Variants in CARD19 observed in about 807,000 individuals in gnomAD.
CARD19 encodes the protein caspase recruitment domain family member 19.
CARD19 carries 25 observed loss-of-function variants against 24.1 expected under a neutral mutation model. That is an observed-to-expected ratio of 1.04 (90% CI 0.76 to 1.45). The LOEUF is 1.45. CARD19 is among the 40% of genes most tolerant of loss of function. The probability of loss-of-function intolerance (pLI) is 0.00; values close to 1 mark genes in which losing one functional copy is unlikely to be tolerated. For synonymous variants in CARD19, 103 were observed against 104.9 expected (o/e 0.98, Z 0.11); for missense variants, 241 against 247.4 (o/e 0.97, Z 0.17).
At position 93,098,758 on chromosome 9, in the gene CARD19, C is replaced by T. The variant is rs1826973135; in HGVS notation, c.7+2406C>T. 2.0e-5 allele frequency among the ~76,000 whole-genome samples: 3 copies of T among 152,224 alleles called. No individual in the cohort carries two copies. In the South Asian group the frequency reaches 6.2e-4, roughly 31 times the overall value. ...GCGGCCTGTGCCAGCTGACTCACGG[C>T]TCATGGTGACTCATGGCTCTGCAGC... On this transcript the variant is annotated intron_variant, in intron 1 of 5. Transcript: ENST00000375464.
rs201928837 is a variant in CARD19, at chr9:93,111,936, G to A, written c.362G>A (p.Arg121Lys). 56 of 1,610,922 alleles carry A rather than the reference G, an allele frequency of 3.5e-5. No homozygotes were observed. The African/African-American group carries it at 6.4e-4, about 18-fold the overall frequency. Reference sequence around the variant, plus strand: ...AGCCAGAGCGGCGAGCTGAGTAACAGGGGTAACACCTCCCTGCTGCCCCTC... The same window carrying A: ...AGCCAGAGCGGCGAGCTGAGTAACAAGGGTAACACCTCCCTGCTGCCCCTC... ...SGSQSGELSN[R>K]GPMSFLAGLG... Residue 121 changes from arginine (R) to lysine (K), a missense_variant and splice_region_variant, in exon 4 of 6, where the codon AGG becomes AAG. Coordinates refer to ENST00000375464, the MANE Select transcript of CARD19 (RefSeq NM_032310.5).
intron 1 of CARD19, among the ~76,000 whole-genome samples, chr9:93,101,223 G>A (rs1352316580): frequency 2.0e-5 from 3 of 151,808 alleles, no homozygotes; most frequent in East Asian, 1.9e-4. Context: ...CACTACAGGC[G>A]AGTGCCACCA....
intron 1 of CARD19, among the ~76,000 whole-genome samples, chr9:93,099,216 G>A (rs1057331089): frequency 3.3e-5 from 5 of 152,150 alleles, no homozygotes; most frequent in Non-Finnish European, 7.3e-5. Flanking sequence ...GAGCCACCGC[G>A]TCCGGCCTGC....
At chr9:93,107,930 G>T in intron 2 of CARD19, 114 bp downstream of exon 2, 9 of 1,355,028 alleles carry the variant, frequency 6.6e-6, no homozygotes, top group Admixed American at 2.0e-5. Flanking sequence ...GACACACTAG[G>T]TATGTCAGGA....
chr9:93,102,652 GT>G (rs71364357), intron 1 of CARD19, among the ~76,000 whole-genome samples: 99,406 of 143,264 alleles, frequency 0.69, 34,493 homozygotes, highest in East Asian at 0.88. Context: ...CCCTGTTGTT[GT>G]TTTTTTTTTT....
Position 93,101,227 on chromosome 9 carries a change from G to GC in CARD19, c.7+4877dup, listed in dbSNP as rs1485299255. On this transcript the variant is annotated intron_variant, in intron 1 of 5. Coordinates refer to ENST00000375464, the MANE Select transcript of CARD19 (RefSeq NM_032310.5). ...TGAGTAGCTGGCACTACAGGCGAGTGCCACCACGCCTGGCTAGCTTTTTGT... is the reference window on the plus strand; with the variant it reads ...TGAGTAGCTGGCACTACAGGCGAGTGCCCACCACGCCTGGCTAGCTTTTTGT... 2.0e-5 allele frequency among the ~76,000 whole-genome samples: 3 copies of GC among 152,166 alleles called. No individual in the cohort carries two copies. The East Asian group carries it at 5.8e-4, about 29-fold the overall frequency.
At chr9:93,109,072 C>T (rs191582776) in intron 2 of CARD19, 21 of 152,348 alleles carry the variant, frequency 1.4e-4, no homozygotes, top group African/African-American at 4.1e-4. Flanking sequence ...GGAGTCAACA[C>T]GGGCCCTGCT....
intron 1 of CARD19, among the ~76,000 whole-genome samples, chr9:93,100,641 A>G (rs939823091): frequency 8.5e-5 from 13 of 152,190 alleles, no homozygotes; most frequent in Non-Finnish European, 1.8e-4. Context: ...AGTGTTGTGT[A>G]GTCATCACCA....
At chr9:93,097,999 C>G (rs1826944145) in intron 1 of CARD19, among the ~76,000 whole-genome samples, 1 of 152,276 alleles carries the variant, frequency 6.6e-6, no homozygotes, top group Non-Finnish European at 1.5e-5. Context: ...GGCTCACTGC[C>G]TCCATGCACC....
In CARD19 at chr9:93,096,236, C is replaced by T. The variant is rs1046926528; in HGVS notation, c.-110C>T. ...CCTAGCCAAAAGGGGCGGGCGAGCACGGCCCGCGGGCGGCGTTCGCTGGAG... is the reference window on the plus strand; with the variant it reads ...CCTAGCCAAAAGGGGCGGGCGAGCATGGCCCGCGGGCGGCGTTCGCTGGAG... On this transcript the variant is annotated 5_prime_UTR_variant, in exon 1 of 6. The change creates a new upstream start codon in the 5' untranslated region. Coordinates refer to ENST00000375464, the MANE Select transcript of CARD19 (RefSeq NM_032310.5). The surrounding 1 kb of genome is among the most constrained non-coding windows in gnomAD (Gnocchi z 5.4). 3.6e-4 allele frequency: 414 copies of T among 1,139,646 alleles called. 1 individual carries two copies. Among genetic ancestry groups the T allele is most frequent in the Non-Finnish European group, 4.4e-4 (402 of 907,526 alleles). 70.6% of individuals were successfully genotyped at this position (1,139,646 alleles called of 1,614,324 possible).
chr9:93,107,607 G>A, intron 1 of CARD19, 67 bp from the exon 2 acceptor site: 1 of 1,581,058 alleles, frequency 6.3e-7, no homozygotes, highest in Non-Finnish European at 8.7e-7. Context: ...GTCAGTGTCA[G>A]TACGAGGCTG....
Position 93,111,576 on chromosome 9 carries a change from C to A in CARD19, c.305-303C>A, listed in dbSNP as rs185377643. 8.6e-5 allele frequency: 109 copies of A among 1,272,522 alleles called. No homozygotes were observed. In the African/African-American group the frequency reaches 1.5e-3, roughly 17 times the overall value. 78.8% of individuals were successfully genotyped at this position (1,272,522 alleles called of 1,614,324 possible). ...AGCCCTGCAGGTGGGACTGGCTCTC[C>A]CTCCCCAGCCACGAGTATGCCACAG... On this transcript the variant is annotated intron_variant, in intron 3 of 5. Transcript: ENST00000375464.
intron 1 of CARD19, among the ~76,000 whole-genome samples, chr9:93,103,235 G>A (rs902846155): frequency 2.0e-5 from 3 of 152,150 alleles, no homozygotes; most frequent in African/African-American, 7.2e-5. Context: ...GTCTTTCACC[G>A]TTAAGGTATG....
At chr9:93,097,457 T>C (rs4077822) in intron 1 of CARD19, among the ~76,000 whole-genome samples, 98,104 of 152,070 alleles carry the variant, frequency 0.65, 34,378 homozygotes, top group Non-Finnish European at 0.77. Flanking sequence ...TTACTGTGCA[T>C]TGGACCCTGT....
Position 93,096,298 on chromosome 9 carries a change from C to G in CARD19, c.-48C>G. On this transcript the variant is annotated 5_prime_UTR_variant, in exon 1 of 6. Coordinates refer to ENST00000375464, the MANE Select transcript of CARD19 (RefSeq NM_032310.5). This position sits in a 1 kb window ranked among gnomAD's most constrained non-coding sequence, Gnocchi z 5.4. The stretch of plus-strand genomic sequence containing the variant: ...GGCGGCTGACCGAGGGGCGGACGCG[C>G]GGCGGGGCAGACCGCTGGGGACTGC... The G allele has an allele frequency of 8.2e-7, 1 of 1,220,634 alleles. No homozygotes were observed. Among genetic ancestry groups the G allele is most frequent in the East Asian group, 3.2e-5 (1 of 31,110 alleles). 75.6% of individuals were successfully genotyped at this position (1,220,634 alleles called of 1,614,324 possible). A position where few individuals can be genotyped will look rare whatever the true frequency, so the allele number is the denominator to read the frequency against.
intron 1 of CARD19, among the ~76,000 whole-genome samples, chr9:93,102,096 G>A (rs1386900932): frequency 6.6e-6 from 1 of 151,936 alleles, no homozygotes; most frequent in Non-Finnish European, 1.5e-5. Context: ...CAAGTAGTTG[G>A]GATTACAGGC....
At position 93,113,019 on chromosome 9, in the gene CARD19, G is replaced by A. The variant is rs760991661; in HGVS notation, c.464G>A (p.Arg155His). The A allele has an allele frequency of 1.1e-5, 18 of 1,609,316 alleles. No homozygotes were observed. The highest frequency in any genetic ancestry group is 5.6e-5 in the South Asian group (5 of 90,052). ...CCCAAGGGCCTGCCAGGGACCCGGCGCGTCCTCGGTTTCTCGCCTGTCATC... is the reference window on the plus strand; with the variant it reads ...CCCAAGGGCCTGCCAGGGACCCGGCACGTCCTCGGTTTCTCGCCTGTCATC... ...PDPKGLPGTR[R>H]VLGFSPVIID... Residue 155 changes from arginine to histidine, a missense_variant, in exon 6 of 6, where the codon CGC becomes CAC. Physicochemically the swap from Arg to His is conservative, Grantham distance 29. Transcript: ENST00000375464.
rs574408098 is a variant in CARD19, at chr9:93,105,164, G to A, written c.8-2510G>A. ...CTTAGGTTTTAGCGCGGTGTAAGGT[G>A]TGTGTGTGTGTGTGCACGCGCGTGT... On this transcript the variant is annotated intron_variant, in intron 1 of 5. Transcript: ENST00000375464. Among the ~76,000 whole-genome samples the A allele has an allele frequency of 7.3e-5, 10 of 137,572 alleles. No homozygotes were observed. In the South Asian group the frequency reaches 2.3e-3, roughly 32 times the overall value. The allele number at this position is 137,572 out of a possible 152,430, so 90.3% of individuals were successfully genotyped here.
At chr9:93,097,461 A>G (rs1826920849) in intron 1 of CARD19, among the ~76,000 whole-genome samples, 1 of 151,754 alleles carries the variant, frequency 6.6e-6, no homozygotes, top group Non-Finnish European at 1.5e-5. Flanking sequence ...TGTGCATTGG[A>G]CCCTGTGTTG....
Sources: allele counts gnomAD v4.1 joint callset (sites outside exome capture counted in the v4.1 genomes callset), GRCh38; gene constraint gnomAD v4.1.1; non-coding constraint Gnocchi (gnomAD v3.1); transcripts MANE v1.5; gene names NCBI Gene and HGNC (gene_info 2026-07-23, HGNC 2026-07-21).